Variants in MEF2A observed in about 807,000 individuals in gnomAD.
The protein encoded by MEF2A is myocyte enhancer factor 2A.
A neutral mutation model predicts 55.8 loss-of-function variants in MEF2A; 28 were observed. The observed-to-expected ratio is 0.50, with a 90% CI of 0.37 to 0.69. MEF2A has a LOEUF of 0.69. Among genes scored for constraint, MEF2A ranks in the 30% least tolerant of loss-of-function variants. The probability of loss-of-function intolerance (pLI) is 0.00; values close to 1 mark genes in which losing one functional copy is unlikely to be tolerated. For missense variants in MEF2A, 528 were observed against 626.2 expected, an observed-to-expected ratio of 0.84 and a Z score of 1.67; for synonymous variants, 239 against 227.1, an observed-to-expected ratio of 1.05 and a Z score of -0.47.
intron 4 of MEF2A, among the ~76,000 whole-genome samples, chr15:99,654,055 T>A (rs1176629881): frequency 1.3e-5 from 2 of 152,162 alleles, no homozygotes; most frequent in Non-Finnish European, 2.9e-5. Context: ...CCCATAATAT[T>A]ATATAATTAA....
intron 4 of MEF2A, among the ~76,000 whole-genome samples, chr15:99,656,584 G>A (rs942407082): frequency 3.3e-5 from 5 of 152,112 alleles, no homozygotes. Flanking sequence ...ATGATTTCCA[G>A]TGTGATAACT....
At chr15:99,697,532 G>A (rs557753500) in intron 8 of MEF2A, among the ~76,000 whole-genome samples, 2 of 152,066 alleles carry the variant, frequency 1.3e-5, no homozygotes, top group South Asian at 4.1e-4. Context: ...GACAAAATAT[G>A]TACAGTCTGT....
At chr15:99,689,647 A>G (rs530983522) in intron 7 of MEF2A, among the ~76,000 whole-genome samples, 1 of 152,148 alleles carries the variant, frequency 6.6e-6, no homozygotes, top group South Asian at 2.1e-4. Context: ...CATCCAGCTA[A>G]TTTTTGTATT....
At chr15:99,600,303 G>A (rs890274947) in intron 2 of MEF2A, among the ~76,000 whole-genome samples, 14 of 152,082 alleles carry the variant, frequency 9.2e-5, no homozygotes, top group Admixed American at 1.3e-4. Flanking sequence ...CCTTCATGAC[G>A]GGCCTTCTAT....
intron 2 of MEF2A, among the ~76,000 whole-genome samples, chr15:99,616,033 C>G (rs1313901940): frequency 6.6e-6 from 1 of 151,996 alleles, no homozygotes; most frequent in African/African-American, 2.4e-5. Flanking sequence ...AAGAAAATTT[C>G]GCTGGGGAAC....
intron 1 of MEF2A, among the ~76,000 whole-genome samples, chr15:99,585,979 C>T (rs1309969077): frequency 6.6e-6 from 1 of 152,016 alleles, no homozygotes; most frequent in Non-Finnish European, 1.5e-5. Flanking sequence ...TTTTGTCCCT[C>T]AGCAAAATGT....
Position 99,684,714 on chromosome 15 carries a change from A to G in MEF2A, c.671-5527A>G, listed in dbSNP as rs145716692. ...TTTTTAGTTTAATTAGGTCCCATCT[A>G]TTTATTTTTGTCTTTGTCATATTTG... On this transcript the variant is annotated intron_variant, in intron 7 of 11. Coordinates refer to ENST00000557942, the MANE Select transcript of MEF2A (RefSeq NM_001319206.4). Among the ~76,000 whole-genome samples, 1,013 of 152,156 alleles carry G rather than the reference A, an allele frequency of 6.7e-3. 12 individuals are homozygous for G. Among genetic ancestry groups the G allele is most frequent in the African/African-American group, 0.023 (964 of 41,524 alleles).
chr15:99,683,946 A>G (rs2053734734), intron 7 of MEF2A, among the ~76,000 whole-genome samples: 1 of 152,132 alleles, frequency 6.6e-6, no homozygotes, highest in Non-Finnish European at 1.5e-5. Context: ...CTTATAAGTG[A>G]AAACATGTGA....
chr15:99,622,691 T>C (rs2041387907), intron 2 of MEF2A, among the ~76,000 whole-genome samples: 3 of 129,570 alleles, frequency 2.3e-5, no homozygotes, highest in Non-Finnish European at 3.4e-5. Flanking sequence ...TTCTTTAGGA[T>C]GTTTTCTTTT....
intron 1 of MEF2A, among the ~76,000 whole-genome samples, chr15:99,591,456 G>A (rs951612406): frequency 6.6e-6 from 1 of 152,028 alleles, no homozygotes; most frequent in Non-Finnish European, 1.5e-5. Context: ...TTGGCTTCTT[G>A]TAAGATTTTC....
At chr15:99,693,027 AG>A (rs887792578) in intron 8 of MEF2A, among the ~76,000 whole-genome samples, 1 of 152,182 alleles carries the variant, frequency 6.6e-6, no homozygotes, top group Non-Finnish European at 1.5e-5. Context: ...AGCAGGCACT[AG>A]GGGAAAACCT....
chr15:99,706,891 GCTCT>G (rs1449411061), intron 10 of MEF2A, 36 bp downstream of exon 10: 1 of 1,594,386 alleles, frequency 6.3e-7, no homozygotes, highest in African/African-American at 1.3e-5. Flanking sequence ...AGGTTTTACC[GCTCT>G]CTGTTTTGTG....
chr15:99,680,748 GA>G (rs1378253036), intron 7 of MEF2A, among the ~76,000 whole-genome samples: 1 of 152,106 alleles, frequency 6.6e-6, no homozygotes, highest in Admixed American at 6.5e-5. Flanking sequence ...AACAAAAAGG[GA>G]AAAATCCAAA....
At chr15:99,608,003 C>T (rs1312177867) in intron 2 of MEF2A, among the ~76,000 whole-genome samples, 1 of 152,120 alleles carries the variant, frequency 6.6e-6, no homozygotes, top group East Asian at 1.9e-4. Flanking sequence ...TAGTAGAAGA[C>T]ATGAATCACC....
At chr15:99,666,200 G>A (rs531564910) in intron 4 of MEF2A, among the ~76,000 whole-genome samples, 1 of 152,186 alleles carries the variant, frequency 6.6e-6, no homozygotes, top group South Asian at 2.1e-4. Flanking sequence ...ATGCCCATCA[G>A]TGATAGACTG....
intron 1 of MEF2A, among the ~76,000 whole-genome samples, chr15:99,584,033 A>G (rs117797476): frequency 1.8e-4 from 28 of 152,274 alleles, no homozygotes; most frequent in Non-Finnish European, 3.4e-4. Flanking sequence ...ACTCTGCTGA[A>G]TAGTGTAGGC....
At chr15:99,632,068 C>A (rs1449659570) in intron 2 of MEF2A, among the ~76,000 whole-genome samples, 1 of 152,196 alleles carries the variant, frequency 6.6e-6, no homozygotes, top group Non-Finnish European at 1.5e-5. Context: ...TAAAATGACA[C>A]AGCCATCATT....
intron 2 of MEF2A, among the ~76,000 whole-genome samples, chr15:99,602,653 GGTGTGTGTGTGTGTGTGTGTGTGT>G (rs773502316): frequency 8.9e-5 from 4 of 44,870 alleles, no homozygotes; most frequent in East Asian, 8.7e-4. Context: ...ACATTCCTGG[GGTGTGTGTGTGTGTGTGTGTGTGT>G]GTGTGTGTGT....
Position 99,637,892 on chromosome 15 carries a change from C to T in MEF2A, c.54+4719C>T, listed in dbSNP as rs186937961. 5.3e-5 allele frequency among the ~76,000 whole-genome samples: 8 copies of T among 152,284 alleles called. No homozygotes were observed. The East Asian group carries it at 5.8e-4, about 11-fold the overall frequency. On this transcript the variant is annotated intron_variant, in intron 3 of 11. Coordinates refer to ENST00000557942, the MANE Select transcript of MEF2A (RefSeq NM_001319206.4). ...TCTCCTGACCTCGTGATCTGCCCGC[C>T]TCGGCCTCCCAAAGTGTTGGAATCA... is the stretch of plus-strand genomic sequence containing the variant.
Sources: gnomAD v4.1 joint callset for allele counts (sites outside exome capture counted in the v4.1 genomes callset) on GRCh38, gnomAD v4.1.1 for gene constraint, MANE v1.5 for transcripts, NCBI Gene and HGNC (gene_info 2026-07-23, HGNC 2026-07-21) for gene names.